The following ZP4 variants were observed in gnomAD, a reference collection of about 807,000 sequenced individuals.
The protein encoded by ZP4 is zona pellucida glycoprotein 4.
Under a neutral mutation model 62.3 loss-of-function variants are expected in ZP4, and 62 were observed. The ratio of observed to expected loss-of-function variants is 0.99; its 90% CI spans 0.81 to 1.23. The LOEUF is 1.23. ZP4 is among the 50% of genes most tolerant of loss of function. ZP4 has a pLI of 0.00. For missense variants in ZP4, 774 were observed against 656.0 expected (o/e 1.18, Z -1.97); for synonymous variants, 289 against 247.3 (o/e 1.17, Z -1.58).
At position 237,885,781 on chromosome 1, in the gene ZP4, G is replaced by A. The variant is rs1437929502; in HGVS notation, c.945C>T (p.Leu315=). ...CTTTGGCAATCTGAAGTTCCAGAGT[G>A]AGGGGTCCAGGCTGGGTCTCAGGAA... ...PPFPETQPGP[L]TLELQIAKDK... Residue 315 remains leucine (L), a synonymous_variant, in exon 7 of 12, where the codon CTC becomes CTT. Transcript: ENST00000366570. The A allele has an allele frequency of 6.2e-7, 1 of 1,614,032 alleles. No homozygotes were observed. Among genetic ancestry groups the A allele is most frequent in the Admixed American group, 1.7e-5 (1 of 59,988 alleles).
At chr1:237,889,750 ATCCT>A (rs1665192736) in intron 3 of ZP4, 113 bp downstream of exon 3, 1 of 905,996 alleles carries the variant, frequency 1.1e-6, no homozygotes, top group African/African-American at 1.6e-5. Context: ...TTGGGACATG[ATCCT>A]TCCTTCATTA....
Position 237,885,510 on chromosome 1 carries a change from G to A in ZP4, c.1041C>T (p.Tyr347=), listed in dbSNP as rs779424732. The A allele has an allele frequency of 1.3e-5, 21 of 1,614,012 alleles. No individual in the cohort carries two copies. Among genetic ancestry groups the A allele is most frequent in the East Asian group, 8.9e-5 (4 of 44,884 alleles). ...TTCTGTGAAGGATGGAGACCTCCAC[G>A]TAAATGGGATCCCGAAGCAACTTCA... The part of the protein sequence containing the change: ...PVVKLLRDPI[Y]VEVSILHRTD... Residue 347 remains tyrosine, a synonymous_variant, in exon 8 of 12, where the codon TAC becomes TAT. Coordinates refer to ENST00000366570, the MANE Select transcript of ZP4 (RefSeq NM_021186.5).
At chr1:237,886,486 T>G (rs1488773042) in intron 6 of ZP4, among the ~76,000 whole-genome samples, 1 of 151,882 alleles carries the variant, frequency 6.6e-6, no homozygotes, top group Non-Finnish European at 1.5e-5. Flanking sequence ...GAAGGCCAGA[T>G]GTAGAATGGA....
intron 10 of ZP4, among the ~76,000 whole-genome samples, chr1:237,884,053 AACACACACAAACACACACAAACACAC>A (rs1665035640): frequency 8.0e-6 from 1 of 124,340 alleles, no homozygotes; most frequent in African/African-American, 4.4e-5. Context: ...AACACACACA[AACACACACAAACACACACAAACACAC>A]ACAAACACAC....
intron 10 of ZP4, among the ~76,000 whole-genome samples, chr1:237,884,029 C>T (rs575462845): frequency 1.1e-5 from 1 of 94,046 alleles, no homozygotes; most frequent in Admixed American, 9.7e-5. Context: ...CACACACACA[C>T]ACAAACACAC....
rs780462006 is a variant in ZP4 at position 237,885,241 on chromosome 1, G to A, written c.1235C>T (p.Ser412Phe). ...GAAGATGCTGAAGCGCTGGTGGTGAGAGGGAAATGGAAGATCCAAGGCTTT... is the reference window on the plus strand; with the variant it reads ...GAAGATGCTGAAGCGCTGGTGGTGAAAGGGAAATGGAAGATCCAAGGCTTT... ...VQKALDLPFP[S>F]HHQRFSIFTF... is the part of the protein sequence containing the mutation. The change falls in exon 9 of 12, where the codon TCT (serine) becomes TTT (phenylalanine). Residue 412 changes from serine (S) to phenylalanine (F), a missense_variant. Transcript: ENST00000366570. 139 of 1,614,094 alleles carry A rather than the reference G, an allele frequency of 8.6e-5. No individual in the cohort carries two copies. Among genetic ancestry groups the A allele is most frequent in the Middle Eastern group, 1.6e-4 (1 of 6,084 alleles).
chr1:237,887,634 A>G (rs1357168679), intron 4 of ZP4, 73 bp from the exon 5 acceptor site: 24 of 1,479,214 alleles, frequency 1.6e-5, no homozygotes, highest in Non-Finnish European at 2.1e-5. Context: ...AAGTCTAACC[A>G]CTTAGTTACT....
At chr1:237,889,819 C>T (rs375211563) in intron 3 of ZP4, 48 bp downstream of exon 3, 6 of 1,523,300 alleles carry the variant, frequency 3.9e-6, no homozygotes, top group Middle Eastern at 2.0e-4. Context: ...TACTTTCACA[C>T]CCCACCCCCA....
At chr1:237,884,733 C>G (rs780258033) in intron 10 of ZP4, 36 bp downstream of exon 10, 17 of 1,587,698 alleles carry the variant, frequency 1.1e-5, no homozygotes, top group Non-Finnish European at 1.5e-5. Flanking sequence ...ACTCAAGATT[C>G]ATTCAAATCT....
At chr1:237,888,739 A>G (rs1665168592) in intron 3 of ZP4, among the ~76,000 whole-genome samples, 1 of 152,210 alleles carries the variant, frequency 6.6e-6, no homozygotes, top group Non-Finnish European at 1.5e-5. Flanking sequence ...AGTTTTTTAA[A>G]AACAAGAATG....
intron 3 of ZP4, among the ~76,000 whole-genome samples, chr1:237,889,491 T>TA (rs1665186681): frequency 6.6e-6 from 1 of 151,756 alleles, no homozygotes; most frequent in South Asian, 2.1e-4. Flanking sequence ...GCTGATTGTG[T>TA]GTTTTTAGTA....
At chr1:237,883,690 AGGGCGG>A (rs1558530040) in intron 10 of ZP4, among the ~76,000 whole-genome samples, 235 of 9,442 alleles carry the variant, frequency 0.025, 47 homozygotes, top group African/African-American at 0.12. Context: ...AGGGCGGGGG[AGGGCGG>A]GGGAGGGCGG....
intron 2 of ZP4, 29 bp from the exon 3 acceptor site, chr1:237,889,998 C>T (rs1558535421): frequency 6.2e-7 from 1 of 1,614,032 alleles, no homozygotes; most frequent in Non-Finnish European, 8.5e-7. Context: ...GGGGGTCAGC[C>T]TGGATGGTAG....
At chr1:237,884,499 A>G (rs938607139) in intron 10 of ZP4, among the ~76,000 whole-genome samples, 10 of 152,314 alleles carry the variant, frequency 6.6e-5, no homozygotes, top group African/African-American at 1.7e-4. Context: ...ATGAGACATA[A>G]GATAGGCCAT....
At chr1:237,883,995 C>CACACACACACACACAA (rs1665017924) in intron 10 of ZP4, among the ~76,000 whole-genome samples, 1 of 71,950 alleles carries the variant, frequency 1.4e-5, no homozygotes, top group African/African-American at 6.0e-5. Context: ...CACACACACA[C>CACACACACACACACAA]ACACACACAC....
Position 237,888,490 on chromosome 1 carries a change from C to G in ZP4, c.421G>C (p.Asp141His). ...CGTGCTGGGATGGAGTCACACCAGT[C>G]AGTATCTGGAGCATCTCGGGCTAGG... The part of the protein sequence containing the change: ...DLLARDAPDT[D>H]WCDSIPARDR... Residue 141 changes from aspartate to histidine, a missense_variant, in exon 4 of 12, where the codon GAC becomes CAC. Coordinates refer to ENST00000366570, the MANE Select transcript of ZP4 (RefSeq NM_021186.5). 6.2e-7 allele frequency: 1 copy of G among 1,606,154 alleles called. No homozygotes were observed. Among genetic ancestry groups the G allele is most frequent in the Middle Eastern group, 1.7e-4 (1 of 6,044 alleles).
intron 5 of ZP4, 30 bp from the exon 6 acceptor site, chr1:237,886,898 A>G: frequency 6.3e-7 from 1 of 1,591,400 alleles, no homozygotes; most frequent in Non-Finnish European, 8.6e-7. Context: ...AGTCTTGATC[A>G]TTTCTGTTAG....
rs759567850 is a variant in ZP4, at chr1:237,887,509, G to A, written c.606C>T (p.Asn202=). The part of the protein sequence containing the change: ...EGHFSIAVSR[N]VTSPPLLLDS... ...CCAAGAGCAGTGGTGGCGAGGTCAC[G>A]TTCCGAGACACAGCAATAGAGAAAT... The change falls in exon 5 of 12, where the codon AAC becomes AAT. Residue 202 remains asparagine (N), a synonymous_variant. Coordinates refer to ENST00000366570, the MANE Select transcript of ZP4 (RefSeq NM_021186.5). 1.4e-5 allele frequency: 22 copies of A among 1,614,198 alleles called. 2 individuals carry two copies. In the Middle Eastern group the frequency reaches 4.9e-4, roughly 36 times the overall value.
intron 10 of ZP4, among the ~76,000 whole-genome samples, chr1:237,883,983 A>ACACACACACAC (rs1665013477): frequency 2.4e-5 from 1 of 42,402 alleles, no homozygotes; most frequent in African/African-American, 9.0e-5. Flanking sequence ...CACACACACA[A>ACACACACACAC]ACACACACAC....
Sources: allele counts gnomAD v4.1 joint callset (sites outside exome capture counted in the v4.1 genomes callset), GRCh38; gene constraint gnomAD v4.1.1; transcripts MANE v1.5; gene names NCBI Gene and HGNC (gene_info 2026-07-23, HGNC 2026-07-21).